The following ATXN7L1 variants were observed in gnomAD, a reference collection of about 807,000 sequenced individuals.
ATXN7L1 encodes the protein ataxin-7-like protein 1.
Under a neutral mutation model 70.8 loss-of-function variants are expected in ATXN7L1, and 15 were observed. The observed-to-expected ratio is 0.21, with a 90% CI of 0.14 to 0.33. The LOEUF is 0.33. Ranked by LOEUF, ATXN7L1 falls within the 10% of genes least tolerant of loss-of-function variation. The pLI is 1.00. For synonymous variants in ATXN7L1, 440 were observed against 445.1 expected (o/e 0.99, Z 0.14); for missense variants, 975 against 1,097.1 (o/e 0.89, Z 1.57).
chr7:105,828,501 A>G (rs148147018), intron 2 of ATXN7L1, among the ~76,000 whole-genome samples: 121 of 152,334 alleles, frequency 7.9e-4, no homozygotes, highest in African/African-American at 2.8e-3. Context: ...ACAAAGTCCC[A>G]GATAAACCAG....
intron 3 of ATXN7L1, among the ~76,000 whole-genome samples, chr7:105,695,001 A>C (rs953446491): frequency 6.6e-6 from 1 of 152,188 alleles, no homozygotes; most frequent in Non-Finnish European, 1.5e-5. Flanking sequence ...AAATACAAAA[A>C]TTAGTTGGGC....
chr7:105,836,792 G>A (rs1812445514), intron 2 of ATXN7L1, among the ~76,000 whole-genome samples: 1 of 152,200 alleles, frequency 6.6e-6, no homozygotes, highest in Non-Finnish European at 1.5e-5. Flanking sequence ...TGGGTGTGGT[G>A]GTTCACGCTT....
At chr7:105,763,660 T>G (rs1045811073) in intron 3 of ATXN7L1, among the ~76,000 whole-genome samples, 3 of 152,180 alleles carry the variant, frequency 2.0e-5, no homozygotes, top group African/African-American at 7.2e-5. Flanking sequence ...ATTAAGTGCA[T>G]TTGACACTAG....
chr7:105,738,719 T>C (rs1232620741), intron 3 of ATXN7L1, among the ~76,000 whole-genome samples: 4 of 152,226 alleles, frequency 2.6e-5, no homozygotes, highest in African/African-American at 9.6e-5. Flanking sequence ...TATCTGTGCC[T>C]CTCAGCAGGC....
intron 3 of ATXN7L1, among the ~76,000 whole-genome samples, chr7:105,774,780 T>G (rs1450948468): frequency 6.6e-6 from 1 of 152,024 alleles, no homozygotes; most frequent in East Asian, 1.9e-4. Context: ...ACATATGGGG[T>G]GGAGGCAGCC....
At chr7:105,758,577 T>A (rs1800097922) in intron 3 of ATXN7L1, among the ~76,000 whole-genome samples, 1 of 152,234 alleles carries the variant, frequency 6.6e-6, no homozygotes, top group African/African-American at 2.4e-5. Context: ...GGTGACAGGT[T>A]CTGGCTCTGT....
intron 3 of ATXN7L1, among the ~76,000 whole-genome samples, chr7:105,694,771 T>C (rs1791491071): frequency 6.6e-6 from 1 of 152,238 alleles, no homozygotes; most frequent in African/African-American, 2.4e-5. Flanking sequence ...TTCCAACTCC[T>C]GGCCCGGCCC....
intron 3 of ATXN7L1, among the ~76,000 whole-genome samples, chr7:105,690,221 T>C (rs889340579): frequency 2.0e-5 from 3 of 151,946 alleles, no homozygotes; most frequent in Non-Finnish European, 4.4e-5. Context: ...GTCAGGCTGG[T>C]CTCGAACTCC....
At position 105,761,408 on chromosome 7, in the gene ATXN7L1, G is replaced by A. The variant is rs373037261; in HGVS notation, c.355+27196C>T. On this transcript the variant is annotated intron_variant, in intron 3 of 11. Coordinates refer to ENST00000419735, the MANE Select transcript of ATXN7L1 (RefSeq NM_020725.2). Reference sequence around the variant, plus strand: ...CCTGATGCTTCTCTATGGCTTGGCTGCTCTCTGGTCCACTCCTGGAGATGC... The same window carrying A: ...CCTGATGCTTCTCTATGGCTTGGCTACTCTCTGGTCCACTCCTGGAGATGC... The A allele has an allele frequency of 1.2e-5, 19 of 1,613,966 alleles. 1 individual carries two copies. The African/African-American group carries it at 2.5e-4, about 22-fold the overall frequency.
chr7:105,667,623 C>T (rs1802847533), intron 3 of ATXN7L1, among the ~76,000 whole-genome samples: 2 of 131,370 alleles, frequency 1.5e-5, no homozygotes, highest in African/African-American at 5.3e-5. Flanking sequence ...GGCGTGAACC[C>T]GGGAGGCGGA....
At chr7:105,756,102 A>G (rs1799770572) in intron 3 of ATXN7L1, among the ~76,000 whole-genome samples, 1 of 152,196 alleles carries the variant, frequency 6.6e-6, no homozygotes, top group South Asian at 2.1e-4. Flanking sequence ...ACTTATTTTA[A>G]GTGACCAATT....
rs183478697 is a variant in ATXN7L1, at chr7:105,654,281, A to T, written c.578+10785T>A. Among the ~76,000 whole-genome samples, 307 of 152,386 alleles carry T rather than the reference A, an allele frequency of 2.0e-3. 2 individuals are homozygous for T. The highest frequency in any genetic ancestry group is 9.3e-3 in the South Asian group (45 of 4,832). On this transcript the variant is annotated intron_variant, in intron 4 of 11. Coordinates refer to ENST00000419735, the MANE Select transcript of ATXN7L1 (RefSeq NM_020725.2). The stretch of plus-strand genomic sequence containing the variant: ...CTCCTCTTCTGAGAAGAGATTGTGC[A>T]ATGACAAAGGTGAAGTGTCCGCTCA...
intron 3 of ATXN7L1, among the ~76,000 whole-genome samples, chr7:105,697,289 G>A (rs576641848): frequency 8.5e-5 from 13 of 152,224 alleles, no homozygotes; most frequent in Non-Finnish European, 1.5e-4. Flanking sequence ...CTGCAATCTC[G>A]ACCATAAGAG....
intron 7 of ATXN7L1, among the ~76,000 whole-genome samples, chr7:105,635,444 C>T (rs559145283): frequency 1.3e-5 from 2 of 152,340 alleles, no homozygotes; most frequent in Admixed American, 1.3e-4. Context: ...GAGTGCCCCT[C>T]CCACTCACTA....
chr7:105,709,350 T>TAA (rs746055930), intron 3 of ATXN7L1, among the ~76,000 whole-genome samples: 10,568 of 151,878 alleles, frequency 0.07, 393 homozygotes, highest in East Asian at 0.14. Flanking sequence ...AAAAAGAATT[T>TAA]TTTTTCTATA....
rs117188342 is a variant in ATXN7L1, at chr7:105,805,699, C to T, written c.251-16991G>A. Among the ~76,000 whole-genome samples, 106 of 152,212 alleles carry T rather than the reference C, an allele frequency of 7.0e-4. 1 individual carries two copies. The highest frequency in any genetic ancestry group is 6.6e-3 in the South Asian group (32 of 4,828). On this transcript the variant is annotated intron_variant, in intron 2 of 11. Coordinates refer to ENST00000419735, the MANE Select transcript of ATXN7L1 (RefSeq NM_020725.2). ...AGCTTCACCAGGATGACCCCAGAGTCGGTTCCTGAAAGATGAGCACAAGCT... is the reference window on the plus strand; with the variant it reads ...AGCTTCACCAGGATGACCCCAGAGTTGGTTCCTGAAAGATGAGCACAAGCT...
At chr7:105,663,269 C>G (rs144371387) in intron 4 of ATXN7L1, among the ~76,000 whole-genome samples, 1 of 152,314 alleles carries the variant, frequency 6.6e-6, no homozygotes, top group Non-Finnish European at 1.5e-5. Context: ...TCCCAACAAC[C>G]CAAGGAGAAC....
chr7:105,646,703 C>G (rs1799081043), intron 4 of ATXN7L1, among the ~76,000 whole-genome samples: 1 of 151,272 alleles, frequency 6.6e-6, no homozygotes, highest in African/African-American at 2.4e-5. Flanking sequence ...CAGGCATGAG[C>G]CACTGCTCCC....
At chr7:105,875,633 C>CCCG (rs1554490238) in intron 2 of ATXN7L1, among the ~76,000 whole-genome samples, 179 bp downstream of exon 2, 1 of 124,384 alleles carries the variant, frequency 8.0e-6, no homozygotes, top group East Asian at 2.7e-4. Context: ...CTTTACCCCC[C>CCCG]CCCCAGTTGT....
Sources: allele counts gnomAD v4.1 joint callset (sites outside exome capture counted in the v4.1 genomes callset), GRCh38; gene constraint gnomAD v4.1.1; transcripts MANE v1.5; gene names NCBI Gene and HGNC (gene_info 2026-07-23, HGNC 2026-07-21).